Variants in MPP7 observed in about 807,000 individuals in gnomAD.
The protein encoded by MPP7 is MAGUK p55 subfamily member 7.
Under a neutral mutation model 76.5 loss-of-function variants are expected in MPP7, and 60 were observed. The observed-to-expected ratio is 0.78, with a 90% CI of 0.64 to 0.97. The LOEUF (loss-of-function observed/expected upper bound fraction) is 0.97, where lower values mean the gene tolerates loss of function less well. Ranked by LOEUF, MPP7 falls within the 50% of genes least tolerant of loss-of-function variation. The probability of loss-of-function intolerance (pLI) is 0.00; values close to 1 mark genes in which losing one functional copy is unlikely to be tolerated. For missense variants in MPP7, 641 were observed against 694.0 expected (o/e 0.92, Z 0.86); for synonymous variants, 237 against 244.5 (o/e 0.97, Z 0.29).
intron 13 of MPP7, 135 bp downstream of exon 13, chr10:28,069,637 G>C: frequency 2.0e-6 from 1 of 494,590 alleles, no homozygotes; most frequent in Non-Finnish European, 3.4e-6. Context: ...AAACTCACAT[G>C]CCCCATAAAT....
At chr10:28,120,452 T>C in intron 9 of MPP7, 62 bp from the exon 10 acceptor site, 1 of 1,519,960 alleles carries the variant, frequency 6.6e-7, no homozygotes. Context: ...ATGGCCTATA[T>C]TCTCCTAACT....
chr10:28,075,413 G>A (rs981085095), intron 12 of MPP7, among the ~76,000 whole-genome samples: 2 of 152,018 alleles, frequency 1.3e-5, no homozygotes, highest in African/African-American at 4.8e-5. Flanking sequence ...CCTGGTTTAT[G>A]GCCCCGAAAC....
chr10:28,306,946 T>C (rs1438206775), upstream of MPP7, among the ~76,000 whole-genome samples: 1 of 152,170 alleles, frequency 6.6e-6, no homozygotes, highest in Non-Finnish European at 1.5e-5. Context: ...TATGTCCCAG[T>C]GTCAGAGAAA....
intron 12 of MPP7, among the ~76,000 whole-genome samples, chr10:28,086,016 A>G (rs572380320): frequency 2.0e-5 from 3 of 152,336 alleles, no homozygotes; most frequent in Admixed American, 2.0e-4. Flanking sequence ...GGAAACCATC[A>G]TTCTCAGCAA....
chr10:28,091,413 G>A (rs917496928), intron 11 of MPP7, among the ~76,000 whole-genome samples: 3 of 151,354 alleles, frequency 2.0e-5, no homozygotes, highest in Admixed American at 1.3e-4. Flanking sequence ...TCAGCTTCCC[G>A]AGTAGCTGGG....
chr10:28,297,858 T>C (rs1040795726), intron 1 of MPP7, among the ~76,000 whole-genome samples: 6 of 152,234 alleles, frequency 3.9e-5, no homozygotes, highest in African/African-American at 1.4e-4. Flanking sequence ...TTACAGAATA[T>C]TGTAAATCGT....
chr10:28,117,235 A>G (rs1310542968), intron 11 of MPP7, among the ~76,000 whole-genome samples: 1 of 152,136 alleles, frequency 6.6e-6, no homozygotes, highest in Non-Finnish European at 1.5e-5. Flanking sequence ...TTATGTGACT[A>G]AATTCATTAT....
At chr10:28,206,425 C>A (rs1837951840) in intron 2 of MPP7, among the ~76,000 whole-genome samples, 2 of 148,180 alleles carry the variant, frequency 1.3e-5, no homozygotes, top group African/African-American at 5.3e-5. Flanking sequence ...TTATTAACAT[C>A]TGTTTATGTC....
chr10:28,249,319 T>C (rs1839537323), intron 1 of MPP7, among the ~76,000 whole-genome samples: 1 of 152,152 alleles, frequency 6.6e-6, no homozygotes, highest in South Asian at 2.1e-4. Flanking sequence ...CCGGGCACAG[T>C]GGCTCATGCC....
chr10:28,295,249 T>C (rs1399958183), intron 1 of MPP7, among the ~76,000 whole-genome samples: 2 of 152,190 alleles, frequency 1.3e-5, no homozygotes, highest in African/African-American at 4.8e-5. Context: ...TTAAAATGAC[T>C]ATGAAGAAAC....
chr10:28,169,772 T>C (rs1433446360), intron 3 of MPP7, among the ~76,000 whole-genome samples: 3 of 152,178 alleles, frequency 2.0e-5, no homozygotes, highest in Non-Finnish European at 4.4e-5. Context: ...CTGACTTTCA[T>C]ATACAGACCT....
At chr10:28,317,761 G>A (rs527891339) in intron 2 of MPP7, among the ~76,000 whole-genome samples, 43 of 152,302 alleles carry the variant, frequency 2.8e-4, no homozygotes, top group African/African-American at 9.9e-4. Context: ...CATGGGGTAG[G>A]TCACGATTTC....
At chr10:28,248,370 A>G (rs999705124) in intron 1 of MPP7, among the ~76,000 whole-genome samples, 3 of 152,142 alleles carry the variant, frequency 2.0e-5, no homozygotes, top group African/African-American at 7.2e-5. Context: ...GGGAGGAGAC[A>G]TGCCCTCACA....
At chr10:28,309,101 A>G (rs1841274887) in intron 2 of MPP7, among the ~76,000 whole-genome samples, 1 of 152,168 alleles carries the variant, frequency 6.6e-6, no homozygotes, top group Non-Finnish European at 1.5e-5. Context: ...ATTTAACTTT[A>G]TGGTCTCCAA....
At chr10:28,095,235 A>G (rs954262631) in intron 11 of MPP7, among the ~76,000 whole-genome samples, 4 of 150,476 alleles carry the variant, frequency 2.7e-5, no homozygotes, top group African/African-American at 4.9e-5. Flanking sequence ...AGAAACATAT[A>G]TACATGTACA....
intron 6 of MPP7, among the ~76,000 whole-genome samples, chr10:28,128,593 GA>G (rs1835092521): frequency 6.6e-6 from 1 of 152,180 alleles, no homozygotes; most frequent in Admixed American, 6.5e-5. Flanking sequence ...GAATGCAAAA[GA>G]AAGAGAGGGA....
chr10:28,207,795 G>A (rs982074878), intron 2 of MPP7, among the ~76,000 whole-genome samples: 14 of 152,186 alleles, frequency 9.2e-5, no homozygotes, highest in African/African-American at 3.4e-4. Context: ...ACCTGCAAGG[G>A]TACATTCTAG....
At chr10:28,095,416 T>C (rs1853522612) in intron 11 of MPP7, among the ~76,000 whole-genome samples, 1 of 152,084 alleles carries the variant, frequency 6.6e-6, no homozygotes, top group Admixed American at 6.5e-5. Context: ...GCAATTTTTC[T>C]AGATTCTGTC....
At chr10:28,238,875 G>T (rs748273922) in intron 1 of MPP7, 140 bp from the exon 2 acceptor site, 7 of 446,514 alleles carry the variant, frequency 1.6e-5, no homozygotes, top group Non-Finnish European at 2.8e-5. Flanking sequence ...CAGACCACAT[G>T]CAAGTACAAA....
Sources: gnomAD v4.1 joint callset for allele counts (sites outside exome capture counted in the v4.1 genomes callset) on GRCh38, gnomAD v4.1.1 for gene constraint, MANE v1.5 for transcripts, NCBI Gene and HGNC (gene_info 2026-07-23, HGNC 2026-07-21) for gene names.